RTL4: variants seen among roughly 807,000 people sequenced by gnomAD.
RTL4 encodes the protein retrotransposon Gag-like protein 4.
In RTL4, 4 loss-of-function variants were observed where a neutral mutation model predicts 5.3. The observed-to-expected ratio is 0.75, with a 90% confidence interval of 0.37 to 1.72. RTL4 has a LOEUF of 1.72. Among genes scored for constraint, RTL4 ranks in the 40% most tolerant of loss-of-function variants. The pLI is 0.04. For missense variants in RTL4, 260 were observed against 227.1 expected (o/e 1.14, Z -0.93); for synonymous variants, 98 against 87.3 (o/e 1.12, Z -0.68).
the RTL4 span, among the ~76,000 whole-genome samples, chrX:112,195,568 C>T: frequency 2.7e-5 from 3 of 111,335 alleles, no homozygotes; most frequent in Non-Finnish European, 3.8e-5. Flanking sequence ...AATAGACCCT[C>T]TAACTCAAAA....
chrX:112,270,883 C>T, the RTL4 span, among the ~76,000 whole-genome samples: 11 of 109,846 alleles, frequency 1.0e-4, no homozygotes, highest in East Asian at 3.2e-3. Context: ...GAAGGGCAAT[C>T]GGCTTTTTTT....
the RTL4 span, among the ~76,000 whole-genome samples, chrX:112,190,420 C>A: frequency 9.1e-6 from 1 of 110,494 alleles, no homozygotes; most frequent in East Asian, 2.8e-4. Flanking sequence ...GGAATCTTTT[C>A]ACTTAGCAAA....
At chrX:112,240,353 T>C in the RTL4 span, among the ~76,000 whole-genome samples, 8 of 111,923 alleles carry the variant, frequency 7.1e-5, no homozygotes, top group Admixed American at 6.7e-4. Flanking sequence ...CTAACATTTG[T>C]GTTACTGGAG....
At chrX:112,208,056 T>C in the RTL4 span, among the ~76,000 whole-genome samples, 1 of 111,715 alleles carries the variant, frequency 9.0e-6, no homozygotes, top group Non-Finnish European at 1.9e-5. Context: ...AATAGGGACT[T>C]GTGGCATTGA....
chrX:112,329,313 A>G, the RTL4 span, among the ~76,000 whole-genome samples: 1 of 111,566 alleles, frequency 9.0e-6, no homozygotes, highest in South Asian at 3.8e-4. Context: ...GCAATAAAAA[A>G]TGATAAAGGG....
the RTL4 span, among the ~76,000 whole-genome samples, chrX:112,290,799 C>A: frequency 1.8e-5 from 2 of 112,030 alleles, no homozygotes; most frequent in Non-Finnish European, 3.8e-5. Flanking sequence ...AATGTTTGTT[C>A]TTTTCTTCTA....
chrX:112,380,035 AGG>A, the RTL4 span, among the ~76,000 whole-genome samples: 501 of 111,702 alleles, frequency 4.5e-3, 4 homozygotes, highest in African/African-American at 0.015. Flanking sequence ...TGGTCCTTAT[AGG>A]CTTGGCTTTT....
chrX:112,327,857 T>C, the RTL4 span, among the ~76,000 whole-genome samples: 1 of 111,268 alleles, frequency 9.0e-6, no homozygotes, highest in Non-Finnish European at 1.9e-5. Flanking sequence ...ATATTCAACA[T>C]TCTTAAAGAA....
chrX:112,137,564 A>G, the RTL4 span, among the ~76,000 whole-genome samples: 1 of 111,107 alleles, frequency 9.0e-6, no homozygotes, highest in African/African-American at 3.3e-5. Context: ...AGCATAGAAG[A>G]AACCACCCCC....
chrX:112,264,385 A>G, the RTL4 span, among the ~76,000 whole-genome samples: 1 of 111,260 alleles, frequency 9.0e-6, no homozygotes, highest in Non-Finnish European at 1.9e-5. Flanking sequence ...TGTAGGTGCC[A>G]AGACTTTAAA....
chrX:112,424,855 C>T, the RTL4 span, among the ~76,000 whole-genome samples: 1 of 110,184 alleles, frequency 9.1e-6, no homozygotes, highest in South Asian at 3.9e-4. Flanking sequence ...CCCTCGCCTC[C>T]CACAAACTCC....
the RTL4 span, among the ~76,000 whole-genome samples, chrX:112,256,368 A>G: frequency 1.8e-5 from 2 of 111,777 alleles, no homozygotes; most frequent in African/African-American, 6.5e-5. Context: ...TAAATGTACA[A>G]TTAGAAATAC....
At chrX:112,392,405 A>G in the RTL4 span, among the ~76,000 whole-genome samples, 4 of 111,825 alleles carry the variant, frequency 3.6e-5, no homozygotes, top group Non-Finnish European at 5.7e-5. Context: ...GGAGGTATCA[A>G]TAGTGAAGGC....
the RTL4 span, among the ~76,000 whole-genome samples, chrX:112,203,672 C>G: frequency 9.9e-5 from 11 of 111,412 alleles, no homozygotes; most frequent in Admixed American, 1.0e-3. Context: ...ATATAGTAAG[C>G]CTTCATATCA....
chrX:112,123,651 G>A, the RTL4 span, among the ~76,000 whole-genome samples: 17,707 of 111,065 alleles, frequency 0.16, 2,124 homozygotes, highest in African/African-American at 0.42. Flanking sequence ...TCTGAGGTCT[G>A]TGTTCTCTTC....
the RTL4 span, among the ~76,000 whole-genome samples, chrX:112,371,874 T>C: frequency 2.7e-5 from 3 of 112,058 alleles, no homozygotes; most frequent in African/African-American, 9.7e-5. Flanking sequence ...TTTATGTTTT[T>C]AAGCTTCTTC....
the RTL4 span, among the ~76,000 whole-genome samples, chrX:112,323,684 T>C: frequency 2.0e-4 from 22 of 110,054 alleles, no homozygotes; most frequent in Non-Finnish European, 3.8e-5. Flanking sequence ...GTAGAAATGG[T>C]TTGCCATGTT....
At chrX:112,145,872 A>C in the RTL4 span, among the ~76,000 whole-genome samples, 1 of 111,858 alleles carries the variant, frequency 8.9e-6, no homozygotes, top group Non-Finnish European at 1.9e-5. Flanking sequence ...CCCTCAAAAA[A>C]AGCCAACAAG....
At chrX:112,228,910 A>T in the RTL4 span, among the ~76,000 whole-genome samples, 1 of 112,284 alleles carries the variant, frequency 8.9e-6, no homozygotes, top group Non-Finnish European at 1.9e-5. Flanking sequence ...AAATCAATTT[A>T]CTAAAACCAA....
Sources: gnomAD v4.1 joint callset for allele counts (sites outside exome capture counted in the v4.1 genomes callset) on GRCh38, gnomAD v4.1.1 for gene constraint, MANE v1.5 for transcripts, NCBI Gene and HGNC (gene_info 2026-07-23, HGNC 2026-07-21) for gene names.